GPD1: variants seen among roughly 807,000 people sequenced by gnomAD.
The protein encoded by GPD1 is glycerol-3-phosphate dehydrogenase [NAD(+)], cytoplasmic.
In GPD1, 19 loss-of-function variants were observed where a neutral mutation model predicts 34.4. The observed-to-expected ratio is 0.55, with a 90% CI of 0.39 to 0.81. The LOEUF is 0.81. Among genes scored for constraint, GPD1 ranks in the 30% least tolerant of loss-of-function variants. GPD1 has a pLI of 0.00. For synonymous variants in GPD1, 172 were observed against 174.1 expected (o/e 0.99, Z 0.09); for missense variants, 429 against 447.0 (o/e 0.96, Z 0.36).
Position 50,105,696 on chromosome 12 carries a change from G to A in GPD1, c.360+8G>A, listed in dbSNP as rs200622182. 6.2e-7 allele frequency: 1 copy of A among 1,612,510 alleles called. No homozygotes were observed. Among genetic ancestry groups the A allele is most frequent in the Non-Finnish European group, 8.5e-7 (1 of 1,178,634 alleles). On this transcript the variant is annotated splice_region_variant and intron_variant, in intron 3 of 7. Coordinates refer to ENST00000301149, the MANE Select transcript of GPD1 (RefSeq NM_005276.4). The stretch of plus-strand genomic sequence containing the variant: ...GGCATATCTCTTATTAAGGTGCCAG[G>A]GACACCTTCATGTGGATGGGGGAGG...
rs896803381 is a variant in GPD1, at chr12:50,107,267, T to C, written c.613-300T>C. 3 of 648,718 alleles carry C rather than the reference T, an allele frequency of 4.6e-6. No homozygotes were observed. The African/African-American group carries it at 5.3e-5, about 12-fold the overall frequency. 40.2% of individuals were successfully genotyped at this position (648,718 alleles called of 1,614,324 possible). On this transcript the variant is annotated intron_variant, in intron 5 of 7. Coordinates refer to ENST00000301149, the MANE Select transcript of GPD1 (RefSeq NM_005276.4). ...CCAGACAGACTAATGGCCAGAACTA[T>C]GGATCCTGGACAGCTGTTGACTTGA...
Position 50,105,576 on chromosome 12 carries a change from C to A in GPD1, c.248C>A (p.Ala83Glu). Reference protein sequence around the residue: ...VVAVPDVVQAAEDADILIFVV... With the variant: ...VVAVPDVVQAEEDADILIFVV... ...GCTGTCCCAGATGTGGTCCAGGCTG[C>A]AGAGGATGCTGACATCCTGATCTTT... The change falls in exon 3 of 8, where the codon GCA becomes GAA. Residue 83 changes from alanine (A) to glutamate (E), a missense_variant. Coordinates refer to ENST00000301149, the MANE Select transcript of GPD1 (RefSeq NM_005276.4). 1 of 1,614,054 alleles carries A rather than the reference C, an allele frequency of 6.2e-7. No homozygotes were observed. The highest frequency in any genetic ancestry group is 1.3e-5 in the African/African-American group (1 of 75,052).
At chr12:50,106,198 AG>A (rs1282540367) in intron 3 of GPD1, 89 bp from the exon 4 acceptor site, 3 of 1,181,404 alleles carry the variant, frequency 2.5e-6, no homozygotes, top group Non-Finnish European at 3.5e-6. Flanking sequence ...GACACAGATG[AG>A]CAATGGATTT....
At chr12:50,109,271 T>A in intron 7 of GPD1, 152 bp from the exon 8 acceptor site, 1 of 611,106 alleles carries the variant, frequency 1.6e-6, no homozygotes, top group Non-Finnish European at 3.0e-6. Flanking sequence ...GGCTAGGGAG[T>A]TCACATTCTC....
intron 2 of GPD1, chr12:50,105,306 C>A: frequency 1.8e-6 from 1 of 559,472 alleles, no homozygotes; most frequent in Non-Finnish European, 3.2e-6. Context: ...TAGGAGAGTG[C>A]TGGGATGAGG....
intron 5 of GPD1, 36 bp downstream of exon 5, chr12:50,106,953 G>GAAGGCCCCA (rs756687370): frequency 4.6e-6 from 6 of 1,300,618 alleles, no homozygotes; most frequent in Middle Eastern, 3.7e-4. Context: ...GGGGTGAGGA[G>GAAGGCCCCA]AAGGCCCCAA....
rs779233631 is a variant in GPD1, at chr12:50,108,104, C to T, written c.927C>T (p.Ile309=). ...GPETARELYS[I]LQHKGLVDKF... ...AGACAGCCCGGGAGCTATACAGCATCCTCCAGCACAAGGGCCTGGTAGACA... is the reference window on the plus strand; with the variant it reads ...AGACAGCCCGGGAGCTATACAGCATTCTCCAGCACAAGGGCCTGGTAGACA... Residue 309 remains isoleucine, a synonymous_variant, in exon 7 of 8, where the codon ATC becomes ATT. Coordinates refer to ENST00000301149, the MANE Select transcript of GPD1 (RefSeq NM_005276.4). 6.2e-7 allele frequency: 1 copy of T among 1,609,660 alleles called. No homozygotes were observed. Among genetic ancestry groups the T allele is most frequent in the Non-Finnish European group, 8.5e-7 (1 of 1,176,352 alleles).
chr12:50,104,476 G>T, intron 1 of GPD1, 98 bp from the exon 2 acceptor site: 1 of 928,086 alleles, frequency 1.1e-6, no homozygotes, highest in Non-Finnish European at 1.8e-6. Flanking sequence ...GGAGTGAACA[G>T]CCTGGGGGGC....
chr12:50,107,338 G>A (rs894666064), intron 5 of GPD1: 4 of 687,796 alleles, frequency 5.8e-6, no homozygotes, highest in African/African-American at 1.8e-5. Context: ...CAACTAGAGA[G>A]AAGAGTGGTT....
rs190262478 is a variant in GPD1 at position 50,104,721 on chromosome 12, C to T, written c.189C>T (p.Tyr63=). 24 of 1,614,112 alleles carry T rather than the reference C, an allele frequency of 1.5e-5. No individual in the cohort carries two copies. Among genetic ancestry groups the T allele is most frequent in the East Asian group, 6.7e-5 (3 of 44,886 alleles). ...IINTQHENVK[Y]LPGHKLPPNV... ...ACACGCAGCATGAGAATGTCAAATACCTGCCAGGGCACAAGTTGCCCCCAA... is the reference window on the plus strand; with the variant it reads ...ACACGCAGCATGAGAATGTCAAATATCTGCCAGGGCACAAGTTGCCCCCAA... Residue 63 remains tyrosine, a synonymous_variant, in exon 2 of 8, where the codon TAC becomes TAT. Coordinates refer to ENST00000301149, the MANE Select transcript of GPD1 (RefSeq NM_005276.4).
intron 3 of GPD1, 125 bp from the exon 4 acceptor site, chr12:50,106,163 G>C: frequency 7.1e-6 from 6 of 850,168 alleles, no homozygotes; most frequent in Non-Finnish European, 1.1e-5. Flanking sequence ...AGCTGGGTTG[G>C]AATGGGGCAG....
intron 7 of GPD1, among the ~76,000 whole-genome samples, chr12:50,109,134 C>CAAAAAAAAAAAAAAAAAA (rs34926030): frequency 1.6e-5 from 1 of 64,362 alleles, no homozygotes; most frequent in Non-Finnish European, 2.9e-5. Flanking sequence ...GAGTCTGTCT[C>CAAAAAAAAAAAAAAAAAA]AAAAAAAAAA....
At chr12:50,107,142 T>C (rs2137923321) in intron 5 of GPD1, 1 of 679,684 alleles carries the variant, frequency 1.5e-6, no homozygotes, top group Non-Finnish European at 2.7e-6. Flanking sequence ...TCCTGTCCCA[T>C]TTTAGCCCCG....
chr12:50,104,023 G>A lies in GPD1; in HGVS notation c.-28G>A. On this transcript the variant is annotated 5_prime_UTR_variant, in exon 1 of 8. Transcript: ENST00000301149. Reference sequence around the variant, plus strand: ...CAGAGGAGCTAGGGAGTGTGGCACTGAGCCGGCTCAGGCAGAGACGCGGCA... The same window carrying A: ...CAGAGGAGCTAGGGAGTGTGGCACTAAGCCGGCTCAGGCAGAGACGCGGCA... 1 of 1,613,718 alleles carries A rather than the reference G, an allele frequency of 6.2e-7. No homozygotes were observed. Among genetic ancestry groups the A allele is most frequent in the Non-Finnish European group, 8.5e-7 (1 of 1,179,704 alleles).
chr12:50,109,343 G>T, intron 7 of GPD1, 80 bp from the exon 8 acceptor site: 1 of 783,126 alleles, frequency 1.3e-6, no homozygotes, highest in South Asian at 1.4e-5. Context: ...AGGGACAGGA[G>T]GGTTAGGCAG....
chr12:50,107,614 C>T lies in GPD1; in HGVS notation c.660C>T (p.Gly220=), dbSNP rs141014044. The T allele has an allele frequency of 3.5e-5, 57 of 1,614,080 alleles. No individual in the cohort carries two copies. In the Middle Eastern group the frequency reaches 4.9e-4, roughly 14 times the overall value. The part of the protein sequence containing the change: ...GAGFCDGLGF[G]DNTKAAVIRL... ...GCTTCTGTGATGGCCTGGGCTTTGG[C>T]GACAACACCAAGGCGGCAGTGATCC... Residue 220 remains glycine, a synonymous_variant, in exon 6 of 8, where the codon GGC becomes GGT. Transcript: ENST00000301149.
In GPD1 at chr12:50,107,640, G is replaced by C. The variant is rs199673455; in HGVS notation, c.686G>C (p.Arg229Pro). 26 of 1,614,130 alleles carry C rather than the reference G, an allele frequency of 1.6e-5. No homozygotes were observed. The highest frequency in any genetic ancestry group is 1.9e-5 in the Non-Finnish European group (23 of 1,179,998). Residue 229 changes from arginine (R) to proline (P), a missense_variant, in exon 6 of 8, where the codon CGG (arginine) becomes CCG (proline). Transcript: ENST00000301149. ...FGDNTKAAVI[R>P]LGLMEMIAFA... The stretch of plus-strand genomic sequence containing the variant: ...GACAACACCAAGGCGGCAGTGATCC[G>C]GCTGGGACTCATGGAGATGATAGCC...
chr12:50,108,261 A>G (rs1041570556), intron 7 of GPD1, 131 bp downstream of exon 7: 2 of 658,458 alleles, frequency 3.0e-6, no homozygotes, highest in Non-Finnish European at 5.6e-6. Flanking sequence ...TACATTTCAG[A>G]CAGAGTCCAG....
At chr12:50,105,072 G>A (rs1950968950) in intron 2 of GPD1, 3 of 355,716 alleles carry the variant, frequency 8.4e-6, no homozygotes, top group Non-Finnish European at 1.5e-5. Flanking sequence ...TTCACTGAGT[G>A]AGTAGCCGAC....
Sources: gnomAD v4.1 joint callset for allele counts (sites outside exome capture counted in the v4.1 genomes callset) on GRCh38, gnomAD v4.1.1 for gene constraint, MANE v1.5 for transcripts, NCBI Gene and HGNC (gene_info 2026-07-23, HGNC 2026-07-21) for gene names.